Variants in PLAT observed in about 807,000 individuals in gnomAD.
PLAT encodes the protein plasminogen activator, tissue type.
Under a neutral mutation model 74.9 loss-of-function variants are expected in PLAT, and 48 were observed. That is an observed-to-expected ratio of 0.64 (90% CI 0.51 to 0.82). The LOEUF (loss-of-function observed/expected upper bound fraction) is 0.82, where lower values mean the gene tolerates loss of function less well. Among genes scored for constraint, PLAT ranks in the 40% least tolerant of loss-of-function variants. The pLI is 0.00. For synonymous variants in PLAT, 307 were observed against 294.4 expected (o/e 1.04, Z -0.44); for missense variants, 673 against 736.2 (o/e 0.91, Z 0.99).
At chr8:42,195,180 T>G (rs1805858759) in intron 1 of PLAT, among the ~76,000 whole-genome samples, 2 of 142,168 alleles carry the variant, frequency 1.4e-5, no homozygotes, top group African/African-American at 5.1e-5. Context: ...CTTGCCTCCC[T>G]GCCTGGGTCC....
At chr8:42,176,842 C>T (rs1239291350) in intron 13 of PLAT, among the ~76,000 whole-genome samples, 1 of 152,172 alleles carries the variant, frequency 6.6e-6, no homozygotes, top group Non-Finnish European at 1.5e-5. Flanking sequence ...ATTAACCTTT[C>T]TTAAATGTTG....
chr8:42,182,919 C>CA (rs907083513), intron 7 of PLAT, 29 bp from the exon 8 acceptor site: 1 of 1,586,836 alleles, frequency 6.3e-7, no homozygotes, highest in African/African-American at 1.4e-5. Flanking sequence ...CAAACTGAAA[C>CA]AAAAACAAAT....
chr8:42,189,130 A>T, intron 3 of PLAT, 59 bp from the exon 4 acceptor site: 1 of 1,569,516 alleles, frequency 6.4e-7, no homozygotes. Flanking sequence ...ATGCCTCACT[A>T]CCCTTGCACC....
intron 6 of PLAT, chr8:42,185,731 G>T (rs1046950594): frequency 3.3e-5 from 5 of 152,282 alleles, no homozygotes; most frequent in African/African-American, 1.2e-4. Context: ...TGGCCAGGCT[G>T]TGGCACCCAG....
At position 42,178,264 on chromosome 8, in the gene PLAT, C is replaced by CTT. The variant is rs5891180; in HGVS notation, c.1530+631_1530+632dup. Among the ~76,000 whole-genome samples the CTT allele has an allele frequency of 7.6e-3, 836 of 109,956 alleles. 3 individuals carry two copies. Among genetic ancestry groups the CTT allele is most frequent in the African/African-American group, 0.016 (431 of 26,804 alleles). The allele number at this position is 109,956 out of a possible 152,430, so 72.1% of individuals were successfully genotyped here. ...TGCCAACAGAGGCAAACATTTCTTT[C>CTT]TTTTTTTTTTTTTTTTTTTTTTTGA... is the stretch of plus-strand genomic sequence containing the variant. On this transcript the variant is annotated intron_variant, in intron 13 of 13. Transcript: ENST00000220809.
chr8:42,176,864 T>C (rs1330371768), intron 13 of PLAT, among the ~76,000 whole-genome samples: 1 of 152,182 alleles, frequency 6.6e-6, no homozygotes, highest in East Asian at 1.9e-4. Flanking sequence ...ATAGCTCACA[T>C]TTATTTCAAT....
intron 6 of PLAT, chr8:42,186,074 G>C (rs1402551250): frequency 1.3e-5 from 2 of 151,514 alleles, no homozygotes; most frequent in African/African-American, 4.9e-5. Context: ...CCAACGTCAT[G>C]AGCCAAGGGA....
chr8:42,177,325 A>C (rs1386383040), intron 13 of PLAT, among the ~76,000 whole-genome samples: 1 of 152,274 alleles, frequency 6.6e-6, no homozygotes, highest in East Asian at 1.9e-4. Context: ...TTACAGTTGC[A>C]GTTTCTAAGA....
intron 1 of PLAT, among the ~76,000 whole-genome samples, chr8:42,201,397 A>G (rs187987761): frequency 1.3e-5 from 2 of 152,304 alleles, no homozygotes; most frequent in African/African-American, 2.4e-5. Flanking sequence ...ACCTACTGTC[A>G]TGAACATCCT....
intron 2 of PLAT, among the ~76,000 whole-genome samples, 177 bp downstream of exon 2, chr8:42,192,937 G>T (rs1057377315): frequency 6.6e-5 from 10 of 152,210 alleles, no homozygotes; most frequent in African/African-American, 2.4e-4. Flanking sequence ...TACAGAGTTT[G>T]CTGTACAGAA....
chr8:42,187,762 G>A (rs1400378172), intron 5 of PLAT, 144 bp downstream of exon 5: 8 of 746,030 alleles, frequency 1.1e-5, no homozygotes, highest in Non-Finnish European at 1.8e-5. Flanking sequence ...GTGGCACTGT[G>A]CTTCCTGACC....
At chr8:42,182,556 ATG>A (rs1805290926) in intron 8 of PLAT, 161 bp downstream of exon 8, 2 of 554,766 alleles carry the variant, frequency 3.6e-6, no homozygotes, top group Non-Finnish European at 6.2e-6. Context: ...TTTTCACAAT[ATG>A]TGTTATTCTA....
At chr8:42,205,290 G>A (rs1475296590) in intron 1 of PLAT, among the ~76,000 whole-genome samples, 1 of 152,182 alleles carries the variant, frequency 6.6e-6, no homozygotes, top group Non-Finnish European at 1.5e-5. Flanking sequence ...ACTTCGGGGG[G>A]CCGAGGTGGG....
intron 1 of PLAT, among the ~76,000 whole-genome samples, chr8:42,201,039 A>G (rs570291492): frequency 1.8e-4 from 28 of 152,200 alleles, no homozygotes; most frequent in Non-Finnish European, 3.4e-4. Flanking sequence ...CATGCTGGCC[A>G]GGCTGGTCTC....
In PLAT at chr8:42,187,914, C is replaced by T. The variant is rs751767279; in HGVS notation, c.356G>A (p.Cys119Tyr). The T allele has an allele frequency of 1.2e-6, 2 of 1,601,016 alleles. No individual in the cohort carries two copies. The highest frequency in any genetic ancestry group is 8.6e-7 in the Non-Finnish European group (1 of 1,168,022). Residue 119 changes from cysteine (C) to tyrosine (Y), a missense_variant, in exon 5 of 14, where the codon TGT becomes TAT. Physicochemically the swap from Cys to Tyr is radical, Grantham distance 194 (BLOSUM62 -2). Transcript: ENST00000220809. Reference protein sequence around the residue: ...QCPEGFAGKCCEIDTRATCYE... With the variant: ...QCPEGFAGKCYEIDTRATCYE... ...TGCTCTCACCTACTCACCTATTTCA[C>T]AGCACTTCCCAGCAAATCCTTCGGG...
At chr8:42,203,992 T>TATACACACACACAC (rs1554499838) in intron 1 of PLAT, among the ~76,000 whole-genome samples, 1 of 109,866 alleles carries the variant, frequency 9.1e-6, no homozygotes, top group African/African-American at 5.2e-5. Context: ...TATATATATA[T>TATACACACACACAC]ACACACACAC....
At chr8:42,188,825 T>C (rs1805581271) in intron 4 of PLAT, 109 bp downstream of exon 4, 9 of 883,120 alleles carry the variant, frequency 1.0e-5, no homozygotes, top group South Asian at 1.5e-5. Flanking sequence ...GGACTTGCTA[T>C]GTTTGCCCAG....
At chr8:42,196,191 T>C (rs998517700) in intron 1 of PLAT, among the ~76,000 whole-genome samples, 2 of 152,198 alleles carry the variant, frequency 1.3e-5, no homozygotes, top group Admixed American at 6.5e-5. Context: ...GACCTAGGGC[T>C]GGTCCACACA....
rs752734258 is a variant in PLAT at position 42,193,222 on chromosome 8, A to G, written c.-26-11T>C. On this transcript the variant is annotated splice_polypyrimidine_tract_variant and intron_variant, in intron 1 of 13. Coordinates refer to ENST00000220809, the MANE Select transcript of PLAT (RefSeq NM_000930.5). ...AGCGTCCCTTAAATTCTGGAAGGAG[A>G]GAAAAAACAGCTTGATCACGGGGTG... is the stretch of plus-strand genomic sequence containing the variant. 1 of 1,559,272 alleles carries G rather than the reference A, an allele frequency of 6.4e-7. No homozygotes were observed. Among genetic ancestry groups the G allele is most frequent in the Non-Finnish European group, 8.8e-7 (1 of 1,130,638 alleles).
Sources: allele counts gnomAD v4.1 joint callset (sites outside exome capture counted in the v4.1 genomes callset), GRCh38; gene constraint gnomAD v4.1.1; transcripts MANE v1.5; gene names NCBI Gene and HGNC (gene_info 2026-07-23, HGNC 2026-07-21).